Variants in NTM observed in about 807,000 individuals in gnomAD.
NTM encodes the protein IgLON family member 2.
A neutral mutation model predicts 42.1 loss-of-function variants in NTM; 13 were observed. The observed-to-expected ratio is 0.31, with a 90% CI of 0.20 to 0.49. The LOEUF is 0.49. Ranked by LOEUF, NTM falls within the 20% of genes least tolerant of loss-of-function variation. The pLI, the probability that NTM is intolerant of heterozygous loss-of-function variation, is 0.99. For synonymous variants in NTM, 187 were observed against 179.2 expected (o/e 1.04, Z -0.35); for missense variants, 373 against 452.8 (o/e 0.82, Z 1.60).
chr11:131,842,846 A>C (rs1356795854), intron 1 of NTM, among the ~76,000 whole-genome samples: 1 of 152,038 alleles, frequency 6.6e-6, no homozygotes, highest in Non-Finnish European at 1.5e-5. Context: ...CCTCATTTCT[A>C]CTAAAAATAC....
chr11:132,178,265 A>T (rs527263228), intron 3 of NTM, among the ~76,000 whole-genome samples: 1 of 152,300 alleles, frequency 6.6e-6, no homozygotes, highest in South Asian at 2.1e-4. Context: ...GAAGAGAAGG[A>T]AAGATAAACT....
chr11:131,604,880 G>A (rs1398451493), intron 1 of NTM, among the ~76,000 whole-genome samples: 1 of 128,678 alleles, frequency 7.8e-6, no homozygotes, highest in Non-Finnish European at 1.8e-5. Context: ...TATATGTGAG[G>A]GTTTTTTTTT....
At chr11:131,523,302 G>A (rs757178557) in intron 1 of NTM, among the ~76,000 whole-genome samples, 1 of 152,204 alleles carries the variant, frequency 6.6e-6, no homozygotes, top group Admixed American at 6.5e-5. Context: ...TTCGAGAATG[G>A]CTTCCCAAAA....
chr11:131,880,428 G>T (rs1269188022), intron 1 of NTM, among the ~76,000 whole-genome samples: 1 of 152,096 alleles, frequency 6.6e-6, no homozygotes, highest in African/African-American at 2.4e-5. Context: ...ATGAGGGAAG[G>T]GAATTGTTCA....
intron 2 of NTM, among the ~76,000 whole-genome samples, chr11:131,968,855 C>G (rs1412280101): frequency 1.3e-5 from 2 of 152,188 alleles, no homozygotes; most frequent in Non-Finnish European, 2.9e-5. Flanking sequence ...CTTATTTCAA[C>G]TATTTTCCCA....
intron 1 of NTM, among the ~76,000 whole-genome samples, chr11:131,890,988 C>T (rs1005349512): frequency 8.5e-5 from 13 of 152,120 alleles, no homozygotes; most frequent in African/African-American, 1.7e-4. Context: ...TCTAGCCTAG[C>T]GAGAGGAGAA....
chr11:131,868,208 A>C (rs2047420166), intron 1 of NTM, among the ~76,000 whole-genome samples: 1 of 152,188 alleles, frequency 6.6e-6, no homozygotes, highest in South Asian at 2.1e-4. Flanking sequence ...ATGAGAAAAA[A>C]AGGAGCTGAA....
intron 1 of NTM, among the ~76,000 whole-genome samples, chr11:131,501,066 A>G (rs1245675243): frequency 2.6e-5 from 4 of 152,012 alleles, no homozygotes; most frequent in Middle Eastern, 3.2e-3. Context: ...CTGCCTAGTT[A>G]CATAACCACA....
intron 2 of NTM, among the ~76,000 whole-genome samples, chr11:132,065,475 T>C (rs1685481380): frequency 6.6e-6 from 1 of 152,154 alleles, no homozygotes; most frequent in Admixed American, 6.6e-5. Flanking sequence ...CTCTTCTCAC[T>C]TCATATCTTG....
intron 1 of NTM, among the ~76,000 whole-genome samples, chr11:131,618,311 T>TA (rs2062158525): frequency 6.6e-6 from 1 of 152,096 alleles, no homozygotes; most frequent in Non-Finnish European, 1.5e-5. Flanking sequence ...TCAGGAAGGG[T>TA]ATTTCGTAAA....
intron 4 of NTM, among the ~76,000 whole-genome samples, chr11:132,273,309 G>GTT (rs57877862): frequency 0.02 from 1,137 of 55,670 alleles, 335 homozygotes; most frequent in African/African-American, 0.025. Context: ...GTTGACTAGT[G>GTT]TTTTTTTTTT....
chr11:132,297,172 T>G (rs1390403222), intron 4 of NTM, among the ~76,000 whole-genome samples: 1 of 152,186 alleles, frequency 6.6e-6, no homozygotes, highest in Non-Finnish European at 1.5e-5. Flanking sequence ...ACTTCCATCT[T>G]GAGTATTCCT....
chr11:132,176,235 A>G (rs1391095243), intron 3 of NTM, among the ~76,000 whole-genome samples: 1 of 152,154 alleles, frequency 6.6e-6, no homozygotes, highest in Non-Finnish European at 1.5e-5. Context: ...AGGGACAGGT[A>G]GTCAGATACA....
intron 1 of NTM, among the ~76,000 whole-genome samples, chr11:131,701,398 C>T (rs1280691265): frequency 2.0e-5 from 3 of 152,180 alleles, no homozygotes; most frequent in Admixed American, 6.5e-5. Context: ...CCAATCACTG[C>T]TCTTGAATTC....
chr11:131,715,987 A>C (rs976694398), intron 1 of NTM, among the ~76,000 whole-genome samples: 1 of 152,228 alleles, frequency 6.6e-6, no homozygotes, highest in Non-Finnish European at 1.5e-5. Context: ...ATGGTGTCTT[A>C]GTCCTTTCAA....
intron 1 of NTM, among the ~76,000 whole-genome samples, chr11:131,570,210 G>T (rs763069409): frequency 2.0e-5 from 3 of 152,206 alleles, no homozygotes; most frequent in Non-Finnish European, 4.4e-5. Flanking sequence ...CAGCTTCAGA[G>T]GCCTTCATTC....
chr11:132,282,257 A>C (rs935299021), intron 4 of NTM, among the ~76,000 whole-genome samples: 1 of 152,228 alleles, frequency 6.6e-6, no homozygotes, highest in Non-Finnish European at 1.5e-5. Context: ...CAATATTTGC[A>C]TTGTTGTAAA....
At chr11:131,921,434 C>T (rs1197137272) in intron 2 of NTM, among the ~76,000 whole-genome samples, 3 of 152,076 alleles carry the variant, frequency 2.0e-5, no homozygotes, top group Admixed American at 1.3e-4. Flanking sequence ...AGGGAAACTT[C>T]CCTACAAGTT....
At chr11:131,568,104 C>T (rs1395424911) in intron 1 of NTM, among the ~76,000 whole-genome samples, 2 of 152,170 alleles carry the variant, frequency 1.3e-5, no homozygotes, top group African/African-American at 4.8e-5. Context: ...GAGGAAAATT[C>T]TCTCTGTTTC....
Sources: gnomAD v4.1 joint callset for allele counts (sites outside exome capture counted in the v4.1 genomes callset) on GRCh38, gnomAD v4.1.1 for gene constraint, MANE v1.5 for transcripts, NCBI Gene and HGNC (gene_info 2026-07-23, HGNC 2026-07-21) for gene names.